DRD2: variants seen among roughly 807,000 people sequenced by gnomAD.
DRD2 encodes the protein D(2) dopamine receptor.
A neutral mutation model predicts 38.0 loss-of-function variants in DRD2; 8 were observed. That is an observed-to-expected ratio of 0.21 (90% CI 0.12 to 0.38). The LOEUF is 0.38. Ranked by LOEUF, DRD2 falls within the 10% of genes least tolerant of loss-of-function variation. DRD2 has a pLI of 1.00. For synonymous variants in DRD2, 230 were observed against 238.6 expected (o/e 0.96, Z 0.33); for missense variants, 403 against 607.7 (o/e 0.66, Z 3.54).
intron 1 of DRD2, among the ~76,000 whole-genome samples, chr11:113,446,974 G>A (rs1027397009): frequency 1.3e-5 from 2 of 152,196 alleles, no homozygotes; most frequent in African/African-American, 2.4e-5. Flanking sequence ...GCTGCTGTGG[G>A]CTTCATCTGC....
intron 1 of DRD2, among the ~76,000 whole-genome samples, chr11:113,426,521 A>T (rs910447919): frequency 6.6e-6 from 1 of 152,218 alleles, no homozygotes; most frequent in Non-Finnish European, 1.5e-5. Flanking sequence ...GAAAACCACC[A>T]ATTGATGCCA....
intron 2 of DRD2, among the ~76,000 whole-genome samples, chr11:113,418,359 T>C (rs541708544): frequency 1.3e-5 from 2 of 152,310 alleles, no homozygotes; most frequent in East Asian, 3.9e-4. Context: ...TGCCAATTAC[T>C]GTGCTAGAAG....
chr11:113,452,466 GT>G (rs1951222017), intron 1 of DRD2, among the ~76,000 whole-genome samples: 1 of 91,382 alleles, frequency 1.1e-5, no homozygotes, highest in Non-Finnish European at 2.5e-5. Flanking sequence ...GTGTGTGTGT[GT>G]GTGCGCGCGC....
chr11:113,414,376 A>G lies in DRD2; in HGVS notation c.809T>C (p.Val270Ala). 1.9e-6 allele frequency: 3 copies of G among 1,613,502 alleles called. 1 individual carries two copies. In the South Asian group the frequency reaches 3.3e-5, roughly 18 times the overall value. Residue 270 changes from valine to alanine, a missense_variant and splice_region_variant, in exon 6 of 8, where the codon GTG becomes GCG. Transcript: ENST00000362072. Reference sequence around the variant, plus strand: ...TGGGTCCCTGGCCTGAGCACTTACCACTCTCCGCCTGTTCACTGGGAAACT... The same window carrying G: ...TGGGTCCCTGGCCTGAGCACTTACCGCTCTCCGCCTGTTCACTGGGAAACT... ...NGSFPVNRRR[V>A]EAARRAQELE...
chr11:113,421,542 A>G (rs904130897), intron 2 of DRD2, among the ~76,000 whole-genome samples: 2 of 152,148 alleles, frequency 1.3e-5, no homozygotes, highest in African/African-American at 4.8e-5. Context: ...TTCCAATAGC[A>G]TCTAGATGGA....
At chr11:113,449,052 G>C (rs1292872451) in intron 1 of DRD2, among the ~76,000 whole-genome samples, 1 of 152,148 alleles carries the variant, frequency 6.6e-6, no homozygotes, top group African/African-American at 2.4e-5. Flanking sequence ...TTAGCTCTCT[G>C]TCTTTGATCT....
At position 113,415,682 on chromosome 11, in the gene DRD2, T is replaced by C. The variant is rs1305809425; in HGVS notation, c.533-71A>G. The C allele has an allele frequency of 7.9e-6, 12 of 1,518,342 alleles. No individual in the cohort carries two copies. In the Admixed American group the frequency reaches 2.0e-4, roughly 25 times the overall value. 94.1% of individuals were successfully genotyped at this position (1,518,342 alleles called of 1,614,324 possible). A position where few individuals can be genotyped will look rare whatever the true frequency, so the allele number is the denominator to read the frequency against. Reference sequence around the variant, plus strand: ...CGGCCATAATTCCACAAGAGCCCATTCATGTCCTTCCAGGAACAAGGAGCG... The same window carrying C: ...CGGCCATAATTCCACAAGAGCCCATCCATGTCCTTCCAGGAACAAGGAGCG... On this transcript the variant is annotated intron_variant, in intron 4 of 7. Transcript: ENST00000362072.
At position 113,410,324 on chromosome 11, in the gene DRD2, C is replaced by T. The variant is rs199842575; in HGVS notation, c.*403G>A. ...GTGTGAACTGTCCATCTCTCCCCAC[C>T]GCCTGCTCCACGCCAAGCCCCACAA... On this transcript the variant is annotated 3_prime_UTR_variant, in exon 8 of 8. Transcript: ENST00000362072. The T allele has an allele frequency of 1.1e-4, 43 of 393,260 alleles. No individual in the cohort carries two copies. Among genetic ancestry groups the T allele is most frequent in the African/African-American group, 5.7e-4 (28 of 48,820 alleles). The allele number at this position is 393,260 out of a possible 1,614,324, so 24.4% of individuals were successfully genotyped here. A position where few individuals can be genotyped will look rare whatever the true frequency, so the allele number is the denominator to read the frequency against.
At position 113,456,980 on chromosome 11, in the gene DRD2, G is replaced by C. The variant is rs1002127379; in HGVS notation, c.-32+18096C>G. On this transcript the variant is annotated intron_variant, in intron 1 of 7. Coordinates refer to ENST00000362072, the MANE Select transcript of DRD2 (RefSeq NM_000795.4). Reference sequence around the variant, plus strand: ...GCACACATCCGACCTGCAGCAAAAAGGAATGAATGGACCCCTGGGCTCACC... The same window carrying C: ...GCACACATCCGACCTGCAGCAAAAACGAATGAATGGACCCCTGGGCTCACC... Among the ~76,000 whole-genome samples, 3 of 152,106 alleles carry C rather than the reference G, an allele frequency of 2.0e-5. No homozygotes were observed. In the South Asian group the frequency reaches 6.2e-4, roughly 32 times the overall value.
chr11:113,413,032 C>T, intron 6 of DRD2, 149 bp from the exon 7 acceptor site: 1 of 915,368 alleles, frequency 1.1e-6, no homozygotes, highest in South Asian at 1.6e-5. Flanking sequence ...GTCACTGAGG[C>T]ATGGGACCCA....
intron 1 of DRD2, among the ~76,000 whole-genome samples, chr11:113,468,740 G>T (rs949669668): frequency 6.6e-6 from 1 of 152,106 alleles, no homozygotes; most frequent in Non-Finnish European, 1.5e-5. Flanking sequence ...TAGAGATGGG[G>T]TTTCACTGTG....
Position 113,473,130 on chromosome 11 carries a change from T to A in DRD2, c.-32+1946A>T, listed in dbSNP as rs1331272112. Among the ~76,000 whole-genome samples, 3 of 152,340 alleles carry A rather than the reference T, an allele frequency of 2.0e-5. No individual in the cohort carries two copies. The South Asian group carries it at 6.2e-4, about 32-fold the overall frequency. Reference sequence around the variant, plus strand: ...AGCAAATGGTTGCCAAGGTACATGATTCTTTTAACTCTTAGAAATGCATTT... The same window carrying A: ...AGCAAATGGTTGCCAAGGTACATGAATCTTTTAACTCTTAGAAATGCATTT... On this transcript the variant is annotated intron_variant, in intron 1 of 7. Transcript: ENST00000362072.
chr11:113,422,071 T>C (rs1341875328), intron 2 of DRD2, among the ~76,000 whole-genome samples: 1 of 151,792 alleles, frequency 6.6e-6, no homozygotes, highest in Non-Finnish European at 1.5e-5. Context: ...GGACAGGGGG[T>C]CTGGAAGCTA....
At chr11:113,416,413 G>A (rs922433588) in intron 4 of DRD2, among the ~76,000 whole-genome samples, 1 of 152,166 alleles carries the variant, frequency 6.6e-6, no homozygotes, top group Non-Finnish European at 1.5e-5. Flanking sequence ...TCCTGCTCCA[G>A]GTGGCTAAGG....
chr11:113,467,678 T>C (rs1318068287), intron 1 of DRD2, among the ~76,000 whole-genome samples: 1 of 152,128 alleles, frequency 6.6e-6, no homozygotes, highest in Non-Finnish European at 1.5e-5. Flanking sequence ...GCTCCAACCA[T>C]GAGGTAGCAG....
intron 1 of DRD2, among the ~76,000 whole-genome samples, chr11:113,453,239 C>A (rs576616340): frequency 3.7e-4 from 56 of 152,122 alleles, no homozygotes; most frequent in Non-Finnish European, 7.1e-4. Flanking sequence ...ACAAAAAATA[C>A]TGAAAAACCC....
At chr11:113,418,782 C>A (rs1181863353) in intron 2 of DRD2, among the ~76,000 whole-genome samples, 7 of 152,180 alleles carry the variant, frequency 4.6e-5, no homozygotes, top group Admixed American at 4.6e-4. Context: ...ACTAGCCAAC[C>A]CTAGGTTGCT....
chr11:113,437,755 C>T (rs528771040), intron 1 of DRD2, among the ~76,000 whole-genome samples: 2 of 152,228 alleles, frequency 1.3e-5, no homozygotes, highest in South Asian at 4.2e-4. Context: ...CTGGGGCTGC[C>T]TCTGGGTCCA....
chr11:113,456,056 A>T (rs1201337583), intron 1 of DRD2, among the ~76,000 whole-genome samples: 1 of 152,224 alleles, frequency 6.6e-6, no homozygotes, highest in African/African-American at 2.4e-5. Context: ...TCAACAGATA[A>T]AGATTGAAAA....
Sources: allele counts gnomAD v4.1 joint callset (sites outside exome capture counted in the v4.1 genomes callset), GRCh38; gene constraint gnomAD v4.1.1; transcripts MANE v1.5; gene names NCBI Gene and HGNC (gene_info 2026-07-23, HGNC 2026-07-21).